ZNF853: variants seen among roughly 807,000 people sequenced by gnomAD.
The protein encoded by ZNF853 is zinc finger protein 853.
In ZNF853, 57 loss-of-function variants were observed where a neutral mutation model predicts 94.7. The ratio of observed to expected loss-of-function variants is 0.60; its 90% CI spans 0.49 to 0.75. The LOEUF (loss-of-function observed/expected upper bound fraction) is 0.75, where lower values mean the gene tolerates loss of function less well. Among genes scored for constraint, ZNF853 ranks in the 30% least tolerant of loss-of-function variants. ZNF853 has a pLI of 0.00. For synonymous variants in ZNF853, 448 were observed against 406.3 expected, an observed-to-expected ratio of 1.10 and a Z score of -1.23; for missense variants, 785 against 868.9, an observed-to-expected ratio of 0.90 and a Z score of 1.21.
At chr7:6,619,735 C>T in intron 2 of ZNF853, among the ~76,000 whole-genome samples, 58 of 152,246 alleles carry the variant, frequency 3.8e-4, no homozygotes, top group South Asian at 3.5e-3. Flanking sequence ...CCTCAAGTCA[C>T]ATGTAGAAAG....
In ZNF853 at chr7:6,622,940, C is replaced by G; in HGVS notation, c.1949C>G (p.Thr650Arg). Residue 650 changes from threonine (T) to arginine (R), a missense_variant, in exon 3 of 3, where the codon ACA becomes AGA. Transcript: ENST00000457543. ...GGPARAEQAA[T>R]ATAPADKAL The stretch of plus-strand genomic sequence containing the variant: ...CCAGCCCGCGCGGAGCAGGCCGCTA[C>G]AGCCACTGCGCCCGCAGACAAGGCG... 1 of 1,252,924 alleles carries G rather than the reference C, an allele frequency of 8.0e-7. No individual in the cohort carries two copies. Among genetic ancestry groups the G allele is most frequent in the Non-Finnish European group, 1.0e-6 (1 of 1,001,190 alleles). The allele number at this position is 1,252,924 out of a possible 1,614,324, so 77.6% of individuals were successfully genotyped here. A position where few individuals can be genotyped will look rare whatever the true frequency, so the allele number is the denominator to read the frequency against.
Position 6,621,824 on chromosome 7 carries a change from T to C in ZNF853, c.833T>C (p.Leu278Pro). 2 of 1,550,030 alleles carry C rather than the reference T, an allele frequency of 1.3e-6. No homozygotes were observed. Among genetic ancestry groups the C allele is most frequent in the Non-Finnish European group, 1.7e-6 (2 of 1,146,526 alleles). ...CAGCAGGCACAGTTACAGCAGCAGCTACTGCTGCAGCAGCAGGAACAGTTA... is the reference window on the plus strand; with the variant it reads ...CAGCAGGCACAGTTACAGCAGCAGCCACTGCTGCAGCAGCAGGAACAGTTA... The part of the protein sequence containing the change: ...EQQQAQLQQQ[L>P]LLQQQEQLQQ... Residue 278 changes from leucine (L) to proline (P), a missense_variant, in exon 3 of 3, where the codon CTA becomes CCA. Leu to Pro is a moderately conservative substitution (Grantham distance 98). Coordinates refer to ENST00000457543, the MANE Select transcript of ZNF853 (RefSeq NM_017560.3).
At position 6,623,623 on chromosome 7, in the gene ZNF853, G is replaced by C. The variant is rs3735300; in HGVS notation, c.*652G>C. 86 of 325,236 alleles carry C rather than the reference G, an allele frequency of 2.6e-4. No homozygotes were observed. In the East Asian group the frequency reaches 4.0e-3, roughly 15 times the overall value. 20.1% of individuals were successfully genotyped at this position (325,236 alleles called of 1,614,324 possible). Reference sequence around the variant, plus strand: ...AATCCAAGCCAGGAAGTCCTGCTCCGGGTGGAAGGTAAAACCTTCCCTCCA... The same window carrying C: ...AATCCAAGCCAGGAAGTCCTGCTCCCGGTGGAAGGTAAAACCTTCCCTCCA... On this transcript the variant is annotated 3_prime_UTR_variant, in exon 3 of 3. Transcript: ENST00000457543.
At chr7:6,619,032 A>ATTTTTTT in intron 2 of ZNF853, among the ~76,000 whole-genome samples, 2 of 86,874 alleles carry the variant, frequency 2.3e-5, no homozygotes, top group African/African-American at 9.5e-5. Flanking sequence ...CCCTTGGTGG[A>ATTTTTTT]TTTTTTTTTT....
intron 2 of ZNF853, chr7:6,617,536 A>C: frequency 2.1e-6 from 2 of 955,168 alleles, no homozygotes; most frequent in South Asian, 9.7e-5. Context: ...ACTGGACTTA[A>C]CACTCACACG....
rs1182623738 is a variant in ZNF853 at position 6,622,983 on chromosome 7, G to T, written c.*12G>T. 2 of 1,245,278 alleles carry T rather than the reference G, an allele frequency of 1.6e-6. No homozygotes were observed. Among genetic ancestry groups the T allele is most frequent in the South Asian group, 3.6e-5 (1 of 28,138 alleles). The allele number at this position is 1,245,278 out of a possible 1,614,324, so 77.1% of individuals were successfully genotyped here. Reference sequence around the variant, plus strand: ...ACAAGGCGCTGTGAGGGCCGTGATCGGGGCTGCCTGGCCGGGAGGGGACCC... The same window carrying T: ...ACAAGGCGCTGTGAGGGCCGTGATCTGGGCTGCCTGGCCGGGAGGGGACCC... On this transcript the variant is annotated 3_prime_UTR_variant, in exon 3 of 3. Coordinates refer to ENST00000457543, the MANE Select transcript of ZNF853 (RefSeq NM_017560.3).
At position 6,622,902 on chromosome 7, in the gene ZNF853, G is replaced by C. The variant is rs1440825094; in HGVS notation, c.1911G>C (p.Ala637=). Residue 637 remains alanine (A), a synonymous_variant, in exon 3 of 3, where the codon GCG becomes GCC. Coordinates refer to ENST00000457543, the MANE Select transcript of ZNF853 (RefSeq NM_017560.3). ...GCCTGCTGCGCGCCTCGCGGCCGGC[G>C]GCCCTCGGTGGCCCAGCCCGCGCGG... is the stretch of plus-strand genomic sequence containing the variant. ...GLGLLRASRP[A]ALGGPARAEQ... The C allele has an allele frequency of 4.8e-6, 6 of 1,244,526 alleles. No individual in the cohort carries two copies. The African/African-American group carries it at 9.5e-5, about 20-fold the overall frequency. 77.1% of individuals were successfully genotyped at this position (1,244,526 alleles called of 1,614,324 possible). A position where few individuals can be genotyped will look rare whatever the true frequency, so the allele number is the denominator to read the frequency against.
chr7:6,623,080 G>A lies in ZNF853; in HGVS notation c.*109G>A. The A allele has an allele frequency of 2.2e-6, 2 of 925,216 alleles. No homozygotes were observed. Among genetic ancestry groups the A allele is most frequent in the Non-Finnish European group, 2.8e-6 (2 of 707,284 alleles). 57.3% of individuals were successfully genotyped at this position (925,216 alleles called of 1,614,324 possible). A position where few individuals can be genotyped will look rare whatever the true frequency, so the allele number is the denominator to read the frequency against. On this transcript the variant is annotated 3_prime_UTR_variant, in exon 3 of 3. Transcript: ENST00000457543. ...GCTGGAGGCGTCCTGGAATATCCCT[G>A]GAGTAAAAGGCTTCCACCATCATCA...
intron 1 of ZNF853, 41 bp downstream of exon 1, chr7:6,616,227 G>T: frequency 6.5e-7 from 1 of 1,543,944 alleles, no homozygotes; most frequent in Non-Finnish European, 8.8e-7. Context: ...AACCGGGGAC[G>T]CGTCCCTTGA....
In ZNF853 at chr7:6,615,716, C is replaced by T. The variant is rs1478479436; in HGVS notation, c.-459C>T. 1 of 144,926 alleles carries T rather than the reference C, an allele frequency of 6.9e-6. No homozygotes were observed. The highest frequency in any genetic ancestry group is 1.5e-5 in the Non-Finnish European group (1 of 64,914). 9.0% of individuals were successfully genotyped at this position (144,926 alleles called of 1,614,324 possible). ...GCCCGCCCCGCCCCCGCCCCGGCCC[C>T]CGCGCGGCCCGGCCCAGGCCGCCCG... is the stretch of plus-strand genomic sequence containing the variant. On this transcript the variant is annotated 5_prime_UTR_variant, in exon 1 of 3. Transcript: ENST00000457543. This position sits in a 1 kb window ranked among gnomAD's most constrained non-coding sequence, Gnocchi z 8.5.
At position 6,622,944 on chromosome 7, in the gene ZNF853, C is replaced by T; in HGVS notation, c.1953C>T (p.Ala651=). Residue 651 remains alanine, a synonymous_variant, in exon 3 of 3, where the codon GCC becomes GCT. Transcript: ENST00000457543. The stretch of plus-strand genomic sequence containing the variant: ...CCCGCGCGGAGCAGGCCGCTACAGC[C>T]ACTGCGCCCGCAGACAAGGCGCTGT... ...GPARAEQAAT[A]TAPADKAL is the part of the protein sequence containing the mutation. 1 of 1,252,568 alleles carries T rather than the reference C, an allele frequency of 8.0e-7. No individual in the cohort carries two copies. Among genetic ancestry groups the T allele is most frequent in the Non-Finnish European group, 1.0e-6 (1 of 1,000,874 alleles). 77.6% of individuals were successfully genotyped at this position (1,252,568 alleles called of 1,614,324 possible). A position where few individuals can be genotyped will look rare whatever the true frequency, so the allele number is the denominator to read the frequency against.
At position 6,623,445 on chromosome 7, in the gene ZNF853, A is replaced by G. The variant is rs767935857; in HGVS notation, c.*474A>G. 9 of 398,226 alleles carry G rather than the reference A, an allele frequency of 2.3e-5. No homozygotes were observed. Among genetic ancestry groups the G allele is most frequent in the African/African-American group, 4.1e-5 (2 of 48,626 alleles). 24.7% of individuals were successfully genotyped at this position (398,226 alleles called of 1,614,324 possible). On this transcript the variant is annotated 3_prime_UTR_variant, in exon 3 of 3. Transcript: ENST00000457543. ...GGGAGGAAGCAAACTTGTTTGCACT[A>G]TGTAGAAACTGACCAAGGCATCGAA...
chr7:6,621,103 C>T lies in ZNF853; in HGVS notation c.131-19C>T. 6.8e-7 allele frequency: 1 copy of T among 1,462,470 alleles called. No individual in the cohort carries two copies. Among genetic ancestry groups the T allele is most frequent in the Non-Finnish European group, 9.0e-7 (1 of 1,107,478 alleles). 90.6% of individuals were successfully genotyped at this position (1,462,470 alleles called of 1,614,324 possible). ...CCTGTAGATCTTTCTCTCTTGGCTT[C>T]CTGCCATTTCTTCCACAGGTGGCAG... On this transcript the variant is annotated intron_variant, in intron 2 of 2. Transcript: ENST00000457543.
Position 6,623,548 on chromosome 7 carries a change from C to G in ZNF853, c.*577C>G. 1 of 390,290 alleles carries G rather than the reference C, an allele frequency of 2.6e-6. No homozygotes were observed. 24.2% of individuals were successfully genotyped at this position (390,290 alleles called of 1,614,324 possible). On this transcript the variant is annotated 3_prime_UTR_variant, in exon 3 of 3. Coordinates refer to ENST00000457543, the MANE Select transcript of ZNF853 (RefSeq NM_017560.3). ...AGGGTGGGTATAATTCTGATGAAAA[C>G]GCCTGTGTTCATCAACACAGGGTCA...
chr7:6,620,465 G>A lies in ZNF853; in HGVS notation c.131-657G>A. 9.2e-5 allele frequency among the ~76,000 whole-genome samples: 14 copies of A among 152,230 alleles called. No homozygotes were observed. In the East Asian group the frequency reaches 2.7e-3, roughly 29 times the overall value. On this transcript the variant is annotated intron_variant, in intron 2 of 2. Transcript: ENST00000457543. ...CAGCATCCCTGCTAGTGCCAGTGCCGAGATCAGAGCATGGGGCCTGTGTAA... is the reference window on the plus strand; with the variant it reads ...CAGCATCCCTGCTAGTGCCAGTGCCAAGATCAGAGCATGGGGCCTGTGTAA...
intron 2 of ZNF853, among the ~76,000 whole-genome samples, chr7:6,620,154 C>T: frequency 2.0e-5 from 3 of 152,098 alleles, no homozygotes; most frequent in African/African-American, 4.8e-5. Flanking sequence ...GTATACCTGC[C>T]GACTGGTAGA....
Position 6,617,508 on chromosome 7 carries a change from C to T in ZNF853, c.130+201C>T. Reference sequence around the variant, plus strand: ...GGCCAGGCTGGTGAGGGGCTCCCCGCTCCCCACATGGGTGCTGACTGGACT... The same window carrying T: ...GGCCAGGCTGGTGAGGGGCTCCCCGTTCCCCACATGGGTGCTGACTGGACT... On this transcript the variant is annotated intron_variant, in intron 2 of 2. Transcript: ENST00000457543. 1.9e-5 allele frequency: 16 copies of T among 849,350 alleles called. No individual in the cohort carries two copies. The African/African-American group carries it at 2.9e-4, about 16-fold the overall frequency. The allele number at this position is 849,350 out of a possible 1,614,324, so 52.6% of individuals were successfully genotyped here.
At position 6,617,216 on chromosome 7, in the gene ZNF853, C is replaced by T. The variant is rs775323642; in HGVS notation, c.39C>T (p.Thr13=). ...HQPTPGNRGL[T]ARMEVGPATE... is the part of the protein sequence containing the mutation. ...CGACTCCCGGGAATCGGGGTCTGACCGCCAGGATGGAAGTGGGGCCAGCCA... is the reference window on the plus strand; with the variant it reads ...CGACTCCCGGGAATCGGGGTCTGACTGCCAGGATGGAAGTGGGGCCAGCCA... The change falls in exon 2 of 3, where the codon ACC becomes ACT. Residue 13 remains threonine, a synonymous_variant. Transcript: ENST00000457543. 173 of 1,538,920 alleles carry T rather than the reference C, an allele frequency of 1.1e-4. No individual in the cohort carries two copies. The highest frequency in any genetic ancestry group is 7.2e-4 in the Admixed American group (36 of 49,894).
At position 6,621,135 on chromosome 7, in the gene ZNF853, G is replaced by A; in HGVS notation, c.144G>A (p.Gly48=). The A allele has an allele frequency of 6.8e-7, 1 of 1,465,764 alleles. No homozygotes were observed. The highest frequency in any genetic ancestry group is 9.0e-7 in the Non-Finnish European group (1 of 1,108,976). The allele number at this position is 1,465,764 out of a possible 1,614,324, so 90.8% of individuals were successfully genotyped here. The change falls in exon 3 of 3, where the codon GGG becomes GGA. Residue 48 remains glycine (G), a synonymous_variant. Coordinates refer to ENST00000457543, the MANE Select transcript of ZNF853 (RefSeq NM_017560.3). ...GPDTLSGGSG[G]SESQEEEEPQ... The stretch of plus-strand genomic sequence containing the variant: ...TTTCTTCCACAGGTGGCAGCGGTGG[G>A]AGCGAGAGTCAGGAGGAGGAAGAGC...
Sources: gnomAD v4.1 joint callset for allele counts (sites outside exome capture counted in the v4.1 genomes callset) on GRCh38, gnomAD v4.1.1 for gene constraint, Gnocchi (gnomAD v3.1) non-coding constraint, MANE v1.5 for transcripts, NCBI Gene and HGNC (gene_info 2026-07-23, HGNC 2026-07-21) for gene names.